PLCH2: variants seen among roughly 807,000 people sequenced by gnomAD.
PLCH2 encodes the protein phospholipase C eta 2.
PLCH2 carries 98 observed loss-of-function variants against 134.7 expected under a neutral mutation model. The observed-to-expected ratio is 0.73, with a 90% CI of 0.62 to 0.86. PLCH2 has a LOEUF of 0.86. PLCH2 is among the 40% of genes least tolerant of loss of function. The pLI, the probability that PLCH2 is intolerant of heterozygous loss-of-function variation, is 0.00. For synonymous variants in PLCH2, 974 were observed against 827.5 expected (o/e 1.18, Z -3.04); for missense variants, 1,994 against 1,986.6 (o/e 1.00, Z -0.07).
At chr1:2,421,435 A>G (rs1372029471), upstream of PLCH2, among the ~76,000 whole-genome samples, 1 of 152,250 alleles carries the variant, frequency 6.6e-6, no homozygotes, top group Admixed American at 6.5e-5. Flanking sequence ...TGTAAAACAC[A>G]GAAATACTAT....
At chr1:2,501,244 G>A (rs1479186397) in intron 20 of PLCH2, 5 of 152,106 alleles carry the variant, frequency 3.3e-5, no homozygotes, top group African/African-American at 9.7e-5. Context: ...AGCACGGCTC[G>A]TCATGGGGGC....
At chr1:2,416,835 G>T in the PLCH2 span, among the ~76,000 whole-genome samples, 1 of 152,188 alleles carries the variant, frequency 6.6e-6, no homozygotes, top group Admixed American at 6.5e-5. Flanking sequence ...CGGGCAGGTG[G>T]TCCGGGGCTC....
upstream of PLCH2, among the ~76,000 whole-genome samples, chr1:2,424,713 C>T (rs12116807): frequency 6.4e-4 from 98 of 152,056 alleles, no homozygotes; most frequent in South Asian, 1.2e-3. Flanking sequence ...TTAGGCCGGG[C>T]GCGGTGGCTC....
At chr1:2,458,342 C>A (rs373526416) in intron 2 of PLCH2, among the ~76,000 whole-genome samples, 2 of 152,310 alleles carry the variant, frequency 1.3e-5, no homozygotes, top group South Asian at 2.1e-4. Context: ...ATGGCAGAGA[C>A]CCTGGAGCAG....
At chr1:2,436,173 C>A (rs1639342368) in intron 2 of PLCH2, among the ~76,000 whole-genome samples, 1 of 138,576 alleles carries the variant, frequency 7.2e-6, no homozygotes, top group Non-Finnish European at 1.6e-5. Flanking sequence ...TCCCTTCCTC[C>A]CTGCTCCCTC....
intron 11 of PLCH2, chr1:2,492,353 C>T (rs535670456): frequency 1.3e-5 from 2 of 152,352 alleles, no homozygotes; most frequent in Non-Finnish European, 2.9e-5. Context: ...ATTTTTATCC[C>T]AAGGTGTCTA....
At chr1:2,497,726 CAG>C in intron 16 of PLCH2, 117 bp downstream of exon 16, 1 of 708,306 alleles carries the variant, frequency 1.4e-6, no homozygotes, top group Non-Finnish European at 2.4e-6. Flanking sequence ...GCGGCTTTGG[CAG>C]AGTCCCCTGG....
chr1:2,428,138 C>A (rs1638889265), intron 1 of PLCH2, among the ~76,000 whole-genome samples: 1 of 152,230 alleles, frequency 6.6e-6, no homozygotes. Context: ...CCCGGTCCAG[C>A]CTGGCCCCGA....
At position 2,495,533 on chromosome 1, in the gene PLCH2, G is replaced by A. The variant is rs976127018; in HGVS notation, c.1798G>A (p.Asp600Asn). The A allele has an allele frequency of 1.3e-6, 2 of 1,551,904 alleles. No individual in the cohort carries two copies. Among genetic ancestry groups the A allele is most frequent in the East Asian group, 4.9e-5 (2 of 40,988 alleles). ...LKKAASVEEG[D>N]EGQDSPGGQS... ...GAAGGCGGCCAGCGTGGAGGAGGGA[G>A]ATGAGGGTCAGGACTCCCCGGGAGG... The change falls in exon 13 of 22, where the codon GAT becomes AAT. Residue 600 changes from aspartate to asparagine, a missense_variant. By Grantham distance (23) the Asp-to-Asn change is conservative. This residue lies in a region of PLCH2 where 1,094 missense variants were observed against 1,234.3 expected (regional missense o/e 0.89). Coordinates refer to ENST00000378486, the MANE Select transcript of PLCH2 (RefSeq NM_014638.4).
chr1:2,419,897 A>G, the PLCH2 span, among the ~76,000 whole-genome samples: 1 of 151,914 alleles, frequency 6.6e-6, no homozygotes, highest in Non-Finnish European at 1.5e-5. Flanking sequence ...TCTGCCTCGG[A>G]ACTGCTGCAC....
chr1:2,423,484 T>C (rs1465688820), upstream of PLCH2, among the ~76,000 whole-genome samples: 1 of 152,136 alleles, frequency 6.6e-6, no homozygotes, highest in Non-Finnish European at 1.5e-5. Context: ...CAGAGAAAGC[T>C]TAATGATTGC....
intron 2 of PLCH2, among the ~76,000 whole-genome samples, chr1:2,434,982 G>T (rs200338293): frequency 0.15 from 22,765 of 152,166 alleles, 1,872 homozygotes; most frequent in Admixed American, 0.17. Context: ...TCTCAGGGGG[G>T]ATTTGTTCTG....
At chr1:2,446,878 C>T (rs1343459292) in intron 2 of PLCH2, among the ~76,000 whole-genome samples, 2 of 152,232 alleles carry the variant, frequency 1.3e-5, no homozygotes, top group Admixed American at 6.5e-5. Flanking sequence ...CCTTCCTCCT[C>T]CTGCCCCTGC....
Position 2,497,526 on chromosome 1 carries a change from G to A in PLCH2, c.2141G>A (p.Gly714Glu), listed in dbSNP as rs751344375. The A allele has an allele frequency of 3.9e-6, 6 of 1,558,016 alleles. No homozygotes were observed. Among genetic ancestry groups the A allele is most frequent in the African/African-American group, 1.4e-5 (1 of 73,320 alleles). Residue 714 changes from glycine to glutamate, a missense_variant, in exon 16 of 22, where the codon GGG becomes GAG. Transcript: ENST00000378486. ...QMVALNYQSE[G>E]RMLQLNRAKF... The stretch of plus-strand genomic sequence containing the variant: ...GTTGCCCTGAACTACCAGTCAGAGG[G>A]GCGGATGCTGCAGCTGAACCGAGCC...
chr1:2,484,497 G>A lies in PLCH2; in HGVS notation c.695G>A (p.Cys232Tyr). 6.2e-7 allele frequency: 1 copy of A among 1,613,372 alleles called. No individual in the cohort carries two copies. The highest frequency in any genetic ancestry group is 2.2e-5 in the East Asian group (1 of 44,874). ...GGGACGCTGGGTTTTGAAGAGTTCT[G>A]TGCCTTCTACAAGATGATGTCCACC... is the stretch of plus-strand genomic sequence containing the variant. ...HQGTLGFEEFCAFYKMMSTRR... is the reference protein window; with the variant it reads ...HQGTLGFEEFYAFYKMMSTRR... Residue 232 changes from cysteine to tyrosine, a missense_variant, in exon 5 of 22, where the codon TGT becomes TAT. Cys to Tyr is a radical substitution (Grantham distance 194). Coordinates refer to ENST00000378486, the MANE Select transcript of PLCH2 (RefSeq NM_014638.4).
intron 2 of PLCH2, among the ~76,000 whole-genome samples, chr1:2,432,408 C>A (rs955803333): frequency 1.2e-4 from 18 of 152,302 alleles, no homozygotes; most frequent in African/African-American, 4.1e-4. Context: ...CCCTGCTGGC[C>A]CCTCATGGCT....
chr1:2,479,583 G>A (rs2100651627), intron 2 of PLCH2, 151 bp from the exon 3 acceptor site: 4 of 706,902 alleles, frequency 5.7e-6, no homozygotes, highest in Non-Finnish European at 9.3e-6. Context: ...TTCACCCTTG[G>A]TTCTTGAACT....
rs1639422693 is a variant in PLCH2, at chr1:2,436,538, TCCC to T, written c.115+5910_115+5912del. Among the ~76,000 whole-genome samples, 2 of 23,162 alleles carry T rather than the reference TCCC, an allele frequency of 8.6e-5. 1 individual carries two copies. The highest frequency in any genetic ancestry group is 1.3e-4 in the Non-Finnish European group (2 of 15,164). 15.2% of individuals were successfully genotyped at this position (23,162 alleles called of 152,430 possible). A position where few individuals can be genotyped will look rare whatever the true frequency, so the allele number is the denominator to read the frequency against. On this transcript the variant is annotated intron_variant, in intron 2 of 3. Transcript: ENST00000609981. ...TCCTCCCTCCTCCTTTCCTCCTTCCTCCCTCCTCCCTTCCTCCCTCCACCTTTC... is the reference window on the plus strand; with the variant it reads ...TCCTCCCTCCTCCTTTCCTCCTTCCTTCCTCCCTTCCTCCCTCCACCTTTC...
At chr1:2,457,044 C>T (rs754985569) in intron 2 of PLCH2, among the ~76,000 whole-genome samples, 3 of 152,222 alleles carry the variant, frequency 2.0e-5, no homozygotes, top group Non-Finnish European at 4.4e-5. Flanking sequence ...ACCTCCAGAA[C>T]CCCCCGGGGC....
Sources: allele counts gnomAD v4.1 joint callset (sites outside exome capture counted in the v4.1 genomes callset), GRCh38; gene constraint gnomAD v4.1.1; regional missense constraint gnomAD v4.1.1; transcripts MANE v1.5; gene names NCBI Gene and HGNC (gene_info 2026-07-23, HGNC 2026-07-21).